FOCAD: variants seen among roughly 807,000 people sequenced by gnomAD.
The protein encoded by FOCAD is focadhesin, also known as KIAA1797.
A neutral mutation model predicts 225.6 loss-of-function variants in FOCAD; 198 were observed. The observed-to-expected ratio is 0.88, with a 90% CI of 0.78 to 0.99. The LOEUF is 0.99. Among genes scored for constraint, FOCAD ranks in the 50% least tolerant of loss-of-function variants. FOCAD has a pLI of 0.00. For synonymous variants in FOCAD, 897 were observed against 755.0 expected, an observed-to-expected ratio of 1.19 and a Z score of -3.08; for missense variants, 2,713 against 2,123.6, an observed-to-expected ratio of 1.28 and a Z score of -5.46.
At chr9:20,837,770 G>A (rs1388480773) in intron 15 of FOCAD, among the ~76,000 whole-genome samples, 1 of 151,970 alleles carries the variant, frequency 6.6e-6, no homozygotes, top group African/African-American at 2.4e-5. Flanking sequence ...ATAAACAATG[G>A]TGTTATTTGT....
intron 15 of FOCAD, among the ~76,000 whole-genome samples, chr9:20,844,868 C>T (rs1428041643): frequency 2.6e-5 from 4 of 152,058 alleles, no homozygotes; most frequent in African/African-American, 4.8e-5. Context: ...GTTTCTCTTT[C>T]GTGAAATTTT....
chr9:20,770,078 A>T lies in FOCAD; in HGVS notation c.746A>T (p.Glu249Val), dbSNP rs1563968832. The change falls in exon 8 of 44, where the codon GAA becomes GTA. Residue 249 changes from glutamate to valine, a missense_variant. Transcript: ENST00000338382. ...ACAGAGGCGATGATGTTTATTGAGG[A>T]AGTATGTTTAAGCCTTTTGCGTCAT... ...QTTEAMMFIE[E>V]VCLSLLRHPV... is the part of the protein sequence containing the mutation. The T allele has an allele frequency of 6.2e-7, 1 of 1,614,078 alleles. No homozygotes were observed.
chr9:20,717,781 A>G lies in FOCAD; in HGVS notation c.58-13A>G. Reference sequence around the variant, plus strand: ...CTAAGGGACTGTGTTCATTAATTTTATTTCTTTTTAAGGCTGTGGGTCATC... The same window carrying G: ...CTAAGGGACTGTGTTCATTAATTTTGTTTCTTTTTAAGGCTGTGGGTCATC... On this transcript the variant is annotated splice_polypyrimidine_tract_variant and intron_variant, in intron 2 of 43. Transcript: ENST00000338382. The G allele has an allele frequency of 1.2e-6, 2 of 1,604,478 alleles. No individual in the cohort carries two copies. Among genetic ancestry groups the G allele is most frequent in the Non-Finnish European group, 1.7e-6 (2 of 1,174,380 alleles).
At chr9:20,850,546 AAAAT>A (rs1827544367) in intron 15 of FOCAD, among the ~76,000 whole-genome samples, 1 of 151,858 alleles carries the variant, frequency 6.6e-6, no homozygotes. Flanking sequence ...CATATGTTAG[AAAAT>A]AAATCTTTTG....
Position 20,995,655 on chromosome 9 carries a change from T to C in FOCAD, c.*26T>C. ...ACAGTTTTGCAGTAACCAGCAGCAT[T>C]CTCAGCTGGATGAGGAAAACCATAT... On this transcript the variant is annotated 3_prime_UTR_variant, in exon 44 of 44. Coordinates refer to ENST00000338382, the MANE Select transcript of FOCAD (RefSeq NM_001375567.1). 2 of 1,597,494 alleles carry C rather than the reference T, an allele frequency of 1.3e-6. No individual in the cohort carries two copies. The highest frequency in any genetic ancestry group is 1.3e-5 in the African/African-American group (1 of 74,680).
rs553727065 is a variant in FOCAD at position 20,935,351 on chromosome 9, T to C, written c.3407+2248T>C. The stretch of plus-strand genomic sequence containing the variant: ...ACTTACGTTTATCATACAAGGCACA[T>C]GTATGGGGACATGGATGCATGACTT... On this transcript the variant is annotated intron_variant, in intron 28 of 43. Transcript: ENST00000338382. 3.9e-5 allele frequency among the ~76,000 whole-genome samples: 6 copies of C among 152,310 alleles called. No individual in the cohort carries two copies. In the East Asian group the frequency reaches 1.2e-3, roughly 29 times the overall value.
At chr9:20,725,155 G>T (rs1214577272) in intron 4 of FOCAD, among the ~76,000 whole-genome samples, 13 of 152,238 alleles carry the variant, frequency 8.5e-5, no homozygotes, top group African/African-American at 2.7e-4. Flanking sequence ...CTGGACAACA[G>T]AGTGAGACTC....
chr9:20,904,180 T>G (rs1387964619), intron 21 of FOCAD, among the ~76,000 whole-genome samples: 5 of 152,058 alleles, frequency 3.3e-5, no homozygotes, highest in Admixed American at 3.3e-4. Context: ...TTGGATTGTT[T>G]CTACCTTTTG....
At chr9:20,693,419 A>G (rs892247867) in intron 1 of FOCAD, among the ~76,000 whole-genome samples, 23 of 152,170 alleles carry the variant, frequency 1.5e-4, no homozygotes, top group African/African-American at 5.1e-4. Flanking sequence ...ACTTTTATCC[A>G]TAGCACTTAT....
At position 20,764,990 on chromosome 9, in the gene FOCAD, C is replaced by A; in HGVS notation, c.616C>A (p.Gln206Lys). 1 of 1,614,104 alleles carries A rather than the reference C, an allele frequency of 6.2e-7. No individual in the cohort carries two copies. Among genetic ancestry groups the A allele is most frequent in the Non-Finnish European group, 8.5e-7 (1 of 1,180,002 alleles). The change falls in exon 7 of 44, where the codon CAG becomes AAG. Residue 206 changes from glutamine to lysine, a missense_variant. Physicochemically the swap from Gln to Lys is moderately conservative, Grantham distance 53. Transcript: ENST00000338382. Reference protein sequence around the residue: ...LALLKVLLQPQVLCDKDQPSI... With the variant: ...LALLKVLLQPKVLCDKDQPSI... ...CCTGCTGAAAGTCTTACTTCAACCC[C>A]AGGTTCTTTGTGACAAAGATCAACC...
rs28413158 is a variant in FOCAD, at chr9:20,755,567, G to C, written c.393-2523G>C. Among the ~76,000 whole-genome samples the C allele has an allele frequency of 7.6e-3, 1,163 of 152,222 alleles. 14 individuals carry two copies. Among genetic ancestry groups the C allele is most frequent in the African/African-American group, 0.027 (1,127 of 41,524 alleles). On this transcript the variant is annotated intron_variant, in intron 5 of 43. Transcript: ENST00000338382. ...GGGGTGTGAAGGATGGAAGGGAGAT[G>C]ACTTATAAAGGAAGAATATTGAAAA...
At chr9:20,680,779 C>T (rs1456494472), upstream of FOCAD, among the ~76,000 whole-genome samples, 1 of 152,082 alleles carries the variant, frequency 6.6e-6, no homozygotes, top group Non-Finnish European at 1.5e-5. Context: ...CCAGCCTGGA[C>T]AGCATAGTGA....
At position 20,708,340 on chromosome 9, in the gene FOCAD, T is replaced by C. The variant is rs564254090; in HGVS notation, c.-32-6982T>C. Among the ~76,000 whole-genome samples, 70 of 152,260 alleles carry C rather than the reference T, an allele frequency of 4.6e-4. No homozygotes were observed. In the South Asian group the frequency reaches 0.014, roughly 30 times the overall value. On this transcript the variant is annotated intron_variant, in intron 1 of 43. Transcript: ENST00000338382. ...CTGATAATTGGAATAGTTAATAAAATGTTAGAAAAAGAAAAGTCCTGGATT... is the reference window on the plus strand; with the variant it reads ...CTGATAATTGGAATAGTTAATAAAACGTTAGAAAAAGAAAAGTCCTGGATT...
Position 20,717,841 on chromosome 9 carries a change from A to C in FOCAD, c.105A>C (p.Ser35=). The C allele has an allele frequency of 6.2e-7, 1 of 1,612,776 alleles. No homozygotes were observed. The highest frequency in any genetic ancestry group is 8.5e-7 in the Non-Finnish European group (1 of 1,179,446). The change falls in exon 3 of 44, where the codon TCA becomes TCC. Residue 35 remains serine (S), a synonymous_variant. Transcript: ENST00000338382. The stretch of plus-strand genomic sequence containing the variant: ...CAGTCCTAAAGGAAAATGGTTTTTC[A>C]GAAAAGATTCACCAATCTACAAATC... ...IAAVLKENGF[S]EKIHQSTNQT...
chr9:20,778,333 CT>C (rs1422082934), intron 8 of FOCAD, among the ~76,000 whole-genome samples: 1 of 151,982 alleles, frequency 6.6e-6, no homozygotes, highest in African/African-American at 2.4e-5. Context: ...CAACCTCCAC[CT>C]CCTGGGTCAA....
At chr9:20,755,744 C>T (rs971387752) in intron 5 of FOCAD, among the ~76,000 whole-genome samples, 1 of 152,090 alleles carries the variant, frequency 6.6e-6, no homozygotes, top group South Asian at 2.1e-4. Context: ...CAGAAGAACC[C>T]AAAGCTGCTG....
intron 22 of FOCAD, among the ~76,000 whole-genome samples, chr9:20,911,385 C>G (rs1833425644): frequency 6.6e-6 from 1 of 152,056 alleles, no homozygotes; most frequent in African/African-American, 2.4e-5. Flanking sequence ...GATAAATAGT[C>G]CTTGACCTCA....
intron 11 of FOCAD, among the ~76,000 whole-genome samples, chr9:20,804,531 G>T (rs1439777242): frequency 2.0e-5 from 3 of 152,088 alleles, no homozygotes; most frequent in African/African-American, 7.2e-5. Flanking sequence ...TCAAACCCTG[G>T]CTGAAGCTAT....
intron 5 of FOCAD, among the ~76,000 whole-genome samples, chr9:20,746,678 A>C (rs1828061277): frequency 6.6e-6 from 1 of 152,230 alleles, no homozygotes; most frequent in Admixed American, 6.5e-5. Context: ...ATATTCTCTT[A>C]TATAACCAGA....
Sources: allele counts gnomAD v4.1 joint callset (sites outside exome capture counted in the v4.1 genomes callset), GRCh38; gene constraint gnomAD v4.1.1; transcripts MANE v1.5; gene names NCBI Gene and HGNC (gene_info 2026-07-23, HGNC 2026-07-21).